The following SLC4A10 variants were observed in gnomAD, a reference collection of about 807,000 sequenced individuals.
SLC4A10 encodes the protein sodium-driven chloride bicarbonate exchanger.
SLC4A10 carries 42 observed loss-of-function variants against 137.7 expected under a neutral mutation model. The observed-to-expected ratio is 0.30, with a 90% confidence interval of 0.24 to 0.39. The LOEUF (loss-of-function observed/expected upper bound fraction) is 0.39, where lower values mean the gene tolerates loss of function less well. Ranked by LOEUF, SLC4A10 falls within the 10% of genes least tolerant of loss-of-function variation. The probability of loss-of-function intolerance (pLI) is 1.00; values close to 1 mark genes in which losing one functional copy is unlikely to be tolerated. For missense variants in SLC4A10, 925 were observed against 1,355.0 expected, an observed-to-expected ratio of 0.68 and a Z score of 4.98; for synonymous variants, 474 against 464.1, an observed-to-expected ratio of 1.02 and a Z score of -0.27.
chr2:161,910,321 A>G (rs1685528795), intron 15 of SLC4A10, among the ~76,000 whole-genome samples: 1 of 152,134 alleles, frequency 6.6e-6, no homozygotes, highest in South Asian at 2.1e-4. Flanking sequence ...TCATTATGCC[A>G]AGATCAAGTG....
chr2:161,941,570 T>C (rs1692698972), intron 15 of SLC4A10, among the ~76,000 whole-genome samples: 1 of 152,114 alleles, frequency 6.6e-6, no homozygotes, highest in Non-Finnish European at 1.5e-5. Flanking sequence ...GCAGAGGACA[T>C]GAAGGGACTC....
intron 1 of SLC4A10, among the ~76,000 whole-genome samples, chr2:161,724,212 TC>T (rs1310601383): frequency 6.6e-6 from 1 of 152,192 alleles, no homozygotes; most frequent in East Asian, 1.9e-4. Flanking sequence ...ACCAATTCAC[TC>T]ACTTCTGAGC....
intron 1 of SLC4A10, among the ~76,000 whole-genome samples, chr2:161,753,178 C>T (rs2049183068): frequency 6.6e-6 from 1 of 152,008 alleles, no homozygotes; most frequent in African/African-American, 2.4e-5. Flanking sequence ...ATGAGTCTCA[C>T]CATGATATTT....
At chr2:161,960,735 A>G (rs966404199) in intron 21 of SLC4A10, among the ~76,000 whole-genome samples, 4 of 151,916 alleles carry the variant, frequency 2.6e-5, no homozygotes, top group African/African-American at 9.7e-5. Flanking sequence ...AAAAGAAAAA[A>G]AAAAAAGGGA....
At chr2:161,974,351 T>C (rs371424764) in intron 24 of SLC4A10, 35 bp downstream of exon 24, 20 of 1,497,640 alleles carry the variant, frequency 1.3e-5, no homozygotes, top group East Asian at 2.3e-5. Flanking sequence ...TCAATTAAAG[T>C]AATGAAATGC....
At chr2:161,664,464 A>G (rs2038811732) in intron 1 of SLC4A10, among the ~76,000 whole-genome samples, 1 of 151,958 alleles carries the variant, frequency 6.6e-6, no homozygotes, top group Admixed American at 6.6e-5. Flanking sequence ...TGACACATGC[A>G]GGAGCTATTA....
At chr2:161,974,484 A>T (rs887580216) in intron 24 of SLC4A10, among the ~76,000 whole-genome samples, 168 bp downstream of exon 24, 9 of 152,210 alleles carry the variant, frequency 5.9e-5, no homozygotes, top group African/African-American at 2.2e-4. Flanking sequence ...TTTTGCCAAT[A>T]ATAGCCGTGT....
rs1328300441 is a variant in SLC4A10 at position 161,912,409 on chromosome 2, T to G, written c.1997+6522T>G. Among the ~76,000 whole-genome samples, 3 of 152,158 alleles carry G rather than the reference T, an allele frequency of 2.0e-5. No individual in the cohort carries two copies. In the East Asian group the frequency reaches 5.8e-4, roughly 29 times the overall value. ...AGTGTTCTCAAGGAGTTCACAATCT[T>G]TGAAGTGCTGACCCCATTTCTGTTT... On this transcript the variant is annotated intron_variant, in intron 15 of 26. Coordinates refer to ENST00000446997, the MANE Select transcript of SLC4A10 (RefSeq NM_001178015.2).
intron 1 of SLC4A10, among the ~76,000 whole-genome samples, chr2:161,676,303 T>C (rs2040267389): frequency 6.6e-6 from 1 of 152,206 alleles, no homozygotes; most frequent in Non-Finnish European, 1.5e-5. Context: ...TTTATATCCC[T>C]TCTGAAAAGA....
At chr2:161,974,462 C>T (rs1699068103) in intron 24 of SLC4A10, 146 bp downstream of exon 24, 1 of 569,272 alleles carries the variant, frequency 1.8e-6, no homozygotes, top group Non-Finnish European at 2.8e-6. Flanking sequence ...TAACATGGGT[C>T]CTACTGCTAA....
intron 9 of SLC4A10, among the ~76,000 whole-genome samples, chr2:161,879,998 A>C (rs2125962937): frequency 6.6e-6 from 1 of 152,268 alleles, no homozygotes; most frequent in East Asian, 1.9e-4. Flanking sequence ...AAAAAAAAGA[A>C]AAAGATAAAA....
At chr2:161,682,120 T>C (rs1395856829) in intron 1 of SLC4A10, among the ~76,000 whole-genome samples, 2 of 152,260 alleles carry the variant, frequency 1.3e-5, no homozygotes, top group African/African-American at 2.4e-5. Flanking sequence ...TTTTATAAAA[T>C]ACCAGTCCCA....
At chr2:161,928,375 G>A (rs1328131956) in intron 15 of SLC4A10, among the ~76,000 whole-genome samples, 3 of 105,808 alleles carry the variant, frequency 2.8e-5, no homozygotes, top group African/African-American at 7.2e-5. Context: ...ACTGTTGTGG[G>A]GTGGGGGGAG....
intron 1 of SLC4A10, among the ~76,000 whole-genome samples, chr2:161,690,553 T>C (rs2041874694): frequency 6.6e-6 from 1 of 152,034 alleles, no homozygotes; most frequent in African/African-American, 2.4e-5. Flanking sequence ...CAAATGCCCA[T>C]CAATAATAGA....
At chr2:161,933,621 C>T (rs1691021033) in intron 15 of SLC4A10, among the ~76,000 whole-genome samples, 1 of 152,144 alleles carries the variant, frequency 6.6e-6, no homozygotes, top group African/African-American at 2.4e-5. Flanking sequence ...TCTCAAAGGT[C>T]TGGCTTCAAG....
At chr2:161,765,245 G>A (rs1161458398) in intron 1 of SLC4A10, among the ~76,000 whole-genome samples, 1 of 151,992 alleles carries the variant, frequency 6.6e-6, no homozygotes, top group Non-Finnish European at 1.5e-5. Flanking sequence ...TCTCACTATG[G>A]GTCATGCCCA....
At chr2:161,874,136 C>T in intron 8 of SLC4A10, 131 bp downstream of exon 8, 1 of 918,184 alleles carries the variant, frequency 1.1e-6, no homozygotes, top group Non-Finnish European at 1.6e-6. Flanking sequence ...CTTTTTAAAG[C>T]ATTGCATCTT....
chr2:161,845,709 A>G (rs1172789323), intron 4 of SLC4A10, among the ~76,000 whole-genome samples: 1 of 152,148 alleles, frequency 6.6e-6, no homozygotes, highest in East Asian at 1.9e-4. Flanking sequence ...TTGACAAAAG[A>G]CAAAAACTAT....
At chr2:161,634,614 A>G (rs79262166) in intron 1 of SLC4A10, among the ~76,000 whole-genome samples, 1 of 152,020 alleles carries the variant, frequency 6.6e-6, no homozygotes, top group Non-Finnish European at 1.5e-5. Context: ...GTAAATATGT[A>G]TGATATGATG....
Sources: gnomAD v4.1 joint callset for allele counts (sites outside exome capture counted in the v4.1 genomes callset) on GRCh38, gnomAD v4.1.1 for gene constraint, MANE v1.5 for transcripts, NCBI Gene and HGNC (gene_info 2026-07-23, HGNC 2026-07-21) for gene names.